SLC26A7: variants seen among roughly 807,000 people sequenced by gnomAD.
SLC26A7 encodes the protein anion exchange transporter.
SLC26A7 carries 59 observed loss-of-function variants against 82.5 expected under a neutral mutation model. That is an observed-to-expected ratio of 0.72 (90% confidence interval 0.58 to 0.89). The LOEUF is 0.89. Ranked by LOEUF, SLC26A7 falls within the 40% of genes least tolerant of loss-of-function variation. The pLI is 0.00. For missense variants in SLC26A7, 820 were observed against 793.0 expected, an observed-to-expected ratio of 1.03 and a Z score of -0.41; for synonymous variants, 271 against 274.3, an observed-to-expected ratio of 0.99 and a Z score of 0.12.
chr8:91,312,634 GGTGTGTCTGTGTGTGT>G (rs1465517905), intron 4 of SLC26A7, among the ~76,000 whole-genome samples: 1 of 96,606 alleles, frequency 1.0e-5, no homozygotes, highest in Non-Finnish European at 2.1e-5. Context: ...TGTGTATGTA[GGTGTGTCTGTGTGTGT>G]GTGTGTGTGT....
At chr8:91,245,372 G>A (rs1810531181), upstream of SLC26A7, among the ~76,000 whole-genome samples, 1 of 152,172 alleles carries the variant, frequency 6.6e-6, no homozygotes, top group Non-Finnish European at 1.5e-5. Flanking sequence ...GGATGTGCCT[G>A]TATGAAACTT....
intron 2 of SLC26A7, among the ~76,000 whole-genome samples, chr8:91,270,566 G>T (rs1395857465): frequency 2.0e-5 from 3 of 152,124 alleles, no homozygotes; most frequent in African/African-American, 7.2e-5. Flanking sequence ...AGGGTTTCAG[G>T]CCTCAGGTGG....
rs576267604 is a variant in SLC26A7, at chr8:91,296,438, T to C, written c.477+735T>C. ...TGTGCATAAACTTCTTGGGTGGCTG[T>C]GTTTTGGGTTGGGAGGCTCTATTTT... On this transcript the variant is annotated intron_variant, in intron 4 of 18. Transcript: ENST00000276609. Among the ~76,000 whole-genome samples the C allele has an allele frequency of 3.9e-5, 6 of 152,200 alleles. No individual in the cohort carries two copies. In the South Asian group the frequency reaches 8.3e-4, roughly 21 times the overall value.
chr8:91,312,898 A>C (rs1010160090), intron 4 of SLC26A7, among the ~76,000 whole-genome samples: 3 of 152,128 alleles, frequency 2.0e-5, no homozygotes, highest in African/African-American at 7.2e-5. Flanking sequence ...ATTAACACTT[A>C]TCAGATATAT....
At chr8:91,276,516 C>T (rs10099410) in intron 2 of SLC26A7, among the ~76,000 whole-genome samples, 1 of 152,016 alleles carries the variant, frequency 6.6e-6, no homozygotes, top group African/African-American at 2.4e-5. Flanking sequence ...AGATGGTGTT[C>T]ATCAAAATTC....
intron 3 of SLC26A7, 61 bp downstream of exon 3, chr8:91,289,307 C>A: frequency 8.1e-7 from 1 of 1,239,674 alleles, no homozygotes; most frequent in Non-Finnish European, 1.2e-6. Flanking sequence ...GTGATTATTA[C>A]TGATTACATC....
chr8:91,300,591 G>A (rs1429333696), intron 4 of SLC26A7, among the ~76,000 whole-genome samples: 2 of 151,966 alleles, frequency 1.3e-5, no homozygotes, highest in African/African-American at 2.4e-5. Flanking sequence ...TAGAGACGGG[G>A]TTTCACCGTT....
At chr8:91,236,969 T>G (rs1404479520) in intron 2 of SLC26A7, among the ~76,000 whole-genome samples, 1 of 152,210 alleles carries the variant, frequency 6.6e-6, no homozygotes, top group Non-Finnish European at 1.5e-5. Flanking sequence ...ATTATTTCAT[T>G]TAATCCTTCT....
At position 91,318,367 on chromosome 8, in the gene SLC26A7, T is replaced by C; in HGVS notation, c.629T>C (p.Leu210Pro). 1.9e-6 allele frequency: 3 copies of C among 1,603,330 alleles called. No homozygotes were observed. Among genetic ancestry groups the C allele is most frequent in the Non-Finnish European group, 2.6e-6 (3 of 1,174,022 alleles). Residue 210 changes from leucine to proline, a missense_variant, in exon 5 of 19, where the codon CTT (leucine) becomes CCT (proline). Physicochemically the swap from Leu to Pro is moderately conservative, Grantham distance 98. Coordinates refer to ENST00000276609, the MANE Select transcript of SLC26A7 (RefSeq NM_052832.4). ...GMKMPYISGP[L>P]GFFYIYAYVF... ...AAAATGCCATATATATCCGGACCAC[T>C]TGGATTCTTTTATGTGAGTTTTTCG... is the stretch of plus-strand genomic sequence containing the variant.
rs1219500630 is a variant in SLC26A7, at chr8:91,239,375, C to CAA, written c.-33-10224_-33-10223dup. On this transcript the variant is annotated intron_variant, in intron 2 of 5. Coordinates refer to the SLC26A7 transcript ENST00000522862. ...TGGGCGACAGAGCGAGACTCCGTCTCAAAAAAAAAAAAAAAAAAAAATATA... is the reference window on the plus strand; with the variant it reads ...TGGGCGACAGAGCGAGACTCCGTCTCAAAAAAAAAAAAAAAAAAAAAAATATA... Among the ~76,000 whole-genome samples the CAA allele has an allele frequency of 6.4e-3, 536 of 83,244 alleles. 7 individuals carry two copies. Among genetic ancestry groups the CAA allele is most frequent in the Admixed American group, 0.029 (176 of 6,058 alleles). 54.6% of individuals were successfully genotyped at this position (83,244 alleles called of 152,430 possible). A position where few individuals can be genotyped will look rare whatever the true frequency, so the allele number is the denominator to read the frequency against.
chr8:91,234,472 C>T (rs1424268776), intron 2 of SLC26A7, among the ~76,000 whole-genome samples: 3 of 95,122 alleles, frequency 3.2e-5, no homozygotes, highest in African/African-American at 1.3e-4. Flanking sequence ...AATTGGGTGG[C>T]CCTTCTGTTT....
intron 6 of SLC26A7, 32 bp from the exon 7 acceptor site, chr8:91,338,118 T>A (rs373645212): frequency 6.5e-7 from 1 of 1,540,270 alleles, no homozygotes; most frequent in Non-Finnish European, 8.8e-7. Flanking sequence ...GTAATGTATA[T>A]ATTTTTTCTT....
intron 2 of SLC26A7, among the ~76,000 whole-genome samples, chr8:91,279,240 T>C (rs1358645628): frequency 6.7e-6 from 1 of 149,604 alleles, no homozygotes; most frequent in Non-Finnish European, 1.5e-5. Flanking sequence ...CTATTGTGAA[T>C]AGTGCTGCAA....
At chr8:91,247,857 G>T (rs73697162), upstream of SLC26A7, among the ~76,000 whole-genome samples, 2,105 of 152,052 alleles carry the variant, frequency 0.014, 41 homozygotes, top group African/African-American at 0.048. Flanking sequence ...ACATACGTTA[G>T]AATTTATGAC....
chr8:91,289,617 C>G (rs759816214), intron 3 of SLC26A7, among the ~76,000 whole-genome samples: 22 of 151,358 alleles, frequency 1.5e-4, no homozygotes, highest in Non-Finnish European at 2.1e-4. Flanking sequence ...TGCGCTGCAG[C>G]CTGAGTGACA....
chr8:91,219,737 G>T (rs1278240874), intron 2 of SLC26A7, among the ~76,000 whole-genome samples: 2 of 152,096 alleles, frequency 1.3e-5, no homozygotes, highest in Non-Finnish European at 2.9e-5. Context: ...CAAATTATCT[G>T]GCTCCACTCC....
At chr8:91,239,930 A>C (rs1291658416) in intron 2 of SLC26A7, among the ~76,000 whole-genome samples, 1 of 152,236 alleles carries the variant, frequency 6.6e-6, no homozygotes, top group Non-Finnish European at 1.5e-5. Flanking sequence ...ACATATTAAA[A>C]ACAACTCAAA....
intron 2 of SLC26A7, among the ~76,000 whole-genome samples, chr8:91,283,494 A>T (rs1811628389): frequency 6.6e-6 from 1 of 152,186 alleles, no homozygotes; most frequent in African/African-American, 2.4e-5. Flanking sequence ...TAACTGGGTG[A>T]TCAAAGAATG....
At chr8:91,307,102 C>T (rs1203844453) in intron 4 of SLC26A7, among the ~76,000 whole-genome samples, 7 of 133,894 alleles carry the variant, frequency 5.2e-5, no homozygotes, top group East Asian at 2.1e-4. Context: ...CAATGAGATA[C>T]CATCTCACAC....
Sources: gnomAD v4.1 joint callset for allele counts (sites outside exome capture counted in the v4.1 genomes callset) on GRCh38, gnomAD v4.1.1 for gene constraint, MANE v1.5 for transcripts, NCBI Gene and HGNC (gene_info 2026-07-23, HGNC 2026-07-21) for gene names.